HOOK1: variants seen among roughly 807,000 people sequenced by gnomAD.
HOOK1 encodes the protein hook microtubule tethering protein 1.
Under a neutral mutation model 112.8 loss-of-function variants are expected in HOOK1, and 60 were observed. That is an observed-to-expected ratio of 0.53 (90% confidence interval 0.43 to 0.66). The LOEUF is 0.66. Ranked by LOEUF, HOOK1 falls within the 30% of genes least tolerant of loss-of-function variation. The pLI is 0.00. For synonymous variants in HOOK1, 294 were observed against 283.8 expected (o/e 1.04, Z -0.36); for missense variants, 770 against 856.0 (o/e 0.90, Z 1.25).
At position 59,830,965 on chromosome 1, in the gene HOOK1, A is replaced by G. The variant is rs1574183620; in HGVS notation, c.223-1198A>G. Among the ~76,000 whole-genome samples the G allele has an allele frequency of 2.0e-5, 3 of 151,038 alleles. No individual in the cohort carries two copies. In the South Asian group the frequency reaches 6.3e-4, roughly 32 times the overall value. On this transcript the variant is annotated intron_variant, in intron 3 of 21. Coordinates refer to ENST00000371208, the MANE Select transcript of HOOK1 (RefSeq NM_015888.6). ...GCCCAGCCTGGAGTGAAGTGGTGCA[A>G]TCTCAGCTCACTGCAACCTCTGCCC...
intron 9 of HOOK1, among the ~76,000 whole-genome samples, chr1:59,846,614 C>T (rs2098404193): frequency 8.5e-6 from 1 of 117,124 alleles, no homozygotes; most frequent in African/African-American, 3.3e-5. Flanking sequence ...CCCTCCCTCT[C>T]TCTCTCTCAT....
intron 18 of HOOK1, 41 bp downstream of exon 18, chr1:59,865,286 T>TGATAAAA (rs1473007014): frequency 1.6e-6 from 2 of 1,219,520 alleles, no homozygotes; most frequent in Non-Finnish European, 2.4e-6. Context: ...ACAGTATATC[T>TGATAAAA]AAGGACTTAC....
At position 59,820,821 on chromosome 1, in the gene HOOK1, T is replaced by A. The variant is rs542827275; in HGVS notation, c.64-1037T>A. Among the ~76,000 whole-genome samples, 56 of 152,326 alleles carry A rather than the reference T, an allele frequency of 3.7e-4. 1 individual carries two copies. In the South Asian group the frequency reaches 0.011, roughly 31 times the overall value. ...CTGGTGGTTTTCCTTTGTAGCCCCA[T>A]CATGTGCCACAGTGTCTCACATAGC... On this transcript the variant is annotated intron_variant, in intron 1 of 21. Transcript: ENST00000371208.
Position 59,865,943 on chromosome 1 carries a change from T to C in HOOK1, c.1816T>C (p.Tyr606His), listed in dbSNP as rs1643955813. 2 of 1,595,946 alleles carry C rather than the reference T, an allele frequency of 1.3e-6. No homozygotes were observed. Among genetic ancestry groups the C allele is most frequent in the African/African-American group, 2.7e-5 (2 of 74,052 alleles). The part of the protein sequence containing the change: ...DEDMKAMEER[Y>H]KMYLEKARNV... ...AGATATGAAAGCAATGGAGGAAAGATATAAAATGTACTTGGAGAAAGCCAG... is the reference window on the plus strand; with the variant it reads ...AGATATGAAAGCAATGGAGGAAAGACATAAAATGTACTTGGAGAAAGCCAG... The change falls in exon 19 of 22, where the codon TAT (tyrosine) becomes CAT (histidine). Residue 606 changes from tyrosine (Y) to histidine (H), a missense_variant. Tyr to His is a moderately conservative substitution (Grantham distance 83). Transcript: ENST00000371208.
chr1:59,822,852 A>G (rs2098386615), intron 2 of HOOK1, among the ~76,000 whole-genome samples: 1 of 152,222 alleles, frequency 6.6e-6, no homozygotes, highest in African/African-American at 2.4e-5. Flanking sequence ...AAAATGATAT[A>G]AAAATCCTAC....
intron 3 of HOOK1, among the ~76,000 whole-genome samples, chr1:59,831,911 C>T (rs2098394254): frequency 6.6e-6 from 1 of 152,138 alleles, no homozygotes; most frequent in African/African-American, 2.4e-5. Context: ...CTGGACATGC[C>T]TGTGTATAAA....
In HOOK1 at chr1:59,872,819, A is replaced by G; in HGVS notation, c.2041A>G (p.Met681Val). 1 of 1,442,238 alleles carries G rather than the reference A, an allele frequency of 6.9e-7. No individual in the cohort carries two copies. The highest frequency in any genetic ancestry group is 9.2e-7 in the Non-Finnish European group (1 of 1,084,376). The allele number at this position is 1,442,238 out of a possible 1,614,324, so 89.3% of individuals were successfully genotyped here. The part of the protein sequence containing the change: ...NKSLAFQKLG[M>V]ESRLVSGGGA... Reference sequence around the variant, plus strand: ...GAGTCTAGCATTCCAGAAACTGGGGATGGAATCTAGACTTGTGAGCGGCGG... The same window carrying G: ...GAGTCTAGCATTCCAGAAACTGGGGGTGGAATCTAGACTTGTGAGCGGCGG... Residue 681 changes from methionine to valine, a missense_variant, in exon 22 of 22, where the codon ATG becomes GTG. Physicochemically the swap from Met to Val is conservative, Grantham distance 21. Transcript: ENST00000371208.
intron 9 of HOOK1, among the ~76,000 whole-genome samples, chr1:59,845,821 T>C (rs989572212): frequency 6.6e-6 from 1 of 151,878 alleles, no homozygotes; most frequent in Non-Finnish European, 1.5e-5. Context: ...TTGGTCTAAA[T>C]TTTGTCTCTT....
intron 20 of HOOK1, among the ~76,000 whole-genome samples, chr1:59,868,939 G>C (rs1303404655): frequency 6.6e-6 from 1 of 152,114 alleles, no homozygotes; most frequent in Admixed American, 6.6e-5. Flanking sequence ...TTTTGTGTTA[G>C]TGGTTATATT....
intron 4 of HOOK1, 68 bp from the exon 5 acceptor site, chr1:59,833,337 A>C (rs1328656151): frequency 4.5e-6 from 5 of 1,099,278 alleles, no homozygotes; most frequent in Non-Finnish European, 6.2e-6. Flanking sequence ...TTTTCATTGT[A>C]ATATTAAATG....
In HOOK1 at chr1:59,873,081, C is replaced by A; in HGVS notation, c.*116C>A. ...AAAAAGAGTTTATGATGCGGGATAT[C>A]AGGTATTTTAAAATCAACATGCATC... On this transcript the variant is annotated 3_prime_UTR_variant, in exon 22 of 22. Coordinates refer to ENST00000371208, the MANE Select transcript of HOOK1 (RefSeq NM_015888.6). 1 of 847,778 alleles carries A rather than the reference C, an allele frequency of 1.2e-6. No homozygotes were observed. The highest frequency in any genetic ancestry group is 1.6e-6 in the Non-Finnish European group (1 of 615,516). 52.5% of individuals were successfully genotyped at this position (847,778 alleles called of 1,614,324 possible).
intron 9 of HOOK1, among the ~76,000 whole-genome samples, chr1:59,845,499 G>A (rs2098403229): frequency 6.6e-6 from 1 of 151,762 alleles, no homozygotes; most frequent in Admixed American, 6.6e-5. Flanking sequence ...GATGCTAGCT[G>A]TAGAGTTGTT....
At chr1:59,823,225 C>G (rs1418324138) in intron 2 of HOOK1, among the ~76,000 whole-genome samples, 1 of 152,170 alleles carries the variant, frequency 6.6e-6, no homozygotes, top group Admixed American at 6.5e-5. Flanking sequence ...GAGGCTGAGG[C>G]AGGAGAATGG....
Position 59,841,055 on chromosome 1 carries a change from T to C in HOOK1, c.621+664T>C, listed in dbSNP as rs146769383. Among the ~76,000 whole-genome samples, 922 of 152,266 alleles carry C rather than the reference T, an allele frequency of 6.1e-3. 6 individuals carry two copies. The highest frequency in any genetic ancestry group is 7.4e-3 in the Non-Finnish European group (503 of 68,002). On this transcript the variant is annotated intron_variant, in intron 8 of 21. Coordinates refer to ENST00000371208, the MANE Select transcript of HOOK1 (RefSeq NM_015888.6). ...TCTCTTTTGAGAAATGGAGTGATGATAGCATATATCTCCCAGAGTGGTCGT... is the reference window on the plus strand; with the variant it reads ...TCTCTTTTGAGAAATGGAGTGATGACAGCATATATCTCCCAGAGTGGTCGT...
Position 59,815,999 on chromosome 1 carries a change from G to A in HOOK1, c.63+819G>A, listed in dbSNP as rs577846169. 4.6e-5 allele frequency among the ~76,000 whole-genome samples: 7 copies of A among 152,280 alleles called. 1 individual carries two copies. In the East Asian group the frequency reaches 1.4e-3, roughly 29 times the overall value. On this transcript the variant is annotated intron_variant, in intron 1 of 21. Transcript: ENST00000371208. The stretch of plus-strand genomic sequence containing the variant: ...ACCTCTTAGAGTTACTTAGATATCA[G>A]TGCTGGCATTCAGGTGTGGTTCTTA...
chr1:59,858,371 A>G, intron 12 of HOOK1, 57 bp from the exon 13 acceptor site: 1 of 1,032,484 alleles, frequency 9.7e-7, no homozygotes, highest in South Asian at 1.3e-5. Flanking sequence ...GTAAGCATAA[A>G]GTACATTGTT....
At chr1:59,815,269 ACCTGCACAGGGTCCCGGCGCAC>A (rs1461367012) in intron 1 of HOOK1, 89 bp downstream of exon 1, 1 of 1,264,234 alleles carries the variant, frequency 7.9e-7, no homozygotes, top group Admixed American at 2.1e-5. Context: ...AGCTGGGGCT[ACCTGCACAGGGTCCCGGCGCAC>A]CCTGCCCTTC....
chr1:59,851,936 A>T lies in HOOK1; in HGVS notation c.1242+2753A>T, dbSNP rs139417149. 7.1e-4 allele frequency among the ~76,000 whole-genome samples: 107 copies of T among 151,716 alleles called. 1 individual carries two copies. The highest frequency in any genetic ancestry group is 5.4e-3 in the South Asian group (26 of 4,820). On this transcript the variant is annotated intron_variant, in intron 12 of 21. Transcript: ENST00000371208. ...CTGGATCAGTGAGATGATATATAGT[A>T]TTTGTACTTTATTATATTAATATGA...
intron 3 of HOOK1, among the ~76,000 whole-genome samples, chr1:59,830,397 A>G (rs921741697): frequency 6.6e-6 from 1 of 152,054 alleles, no homozygotes; most frequent in Non-Finnish European, 1.5e-5. Context: ...ATTACACACT[A>G]TATTTCTTGT....
Sources: gnomAD v4.1 joint callset for allele counts (sites outside exome capture counted in the v4.1 genomes callset) on GRCh38, gnomAD v4.1.1 for gene constraint, MANE v1.5 for transcripts, NCBI Gene and HGNC (gene_info 2026-07-23, HGNC 2026-07-21) for gene names.